The following NCS1 variants were observed in gnomAD, a reference collection of about 807,000 sequenced individuals.
NCS1 encodes the protein neuronal calcium sensor 1.
A neutral mutation model predicts 28.4 loss-of-function variants in NCS1; 6 were observed. The ratio of observed to expected loss-of-function variants is 0.21; its 90% CI spans 0.12 to 0.42. NCS1 has a LOEUF of 0.42. Among genes scored for constraint, NCS1 ranks in the 10% least tolerant of loss-of-function variants. NCS1 has a pLI of 1.00. For synonymous variants in NCS1, 86 were observed against 99.3 expected (o/e 0.87, Z 0.79); for missense variants, 131 against 241.4 (o/e 0.54, Z 3.03).
chr9:130,222,979 GCGGC>G (rs782469311), intron 5 of NCS1, 99 bp from the exon 6 acceptor site: 1 of 863,210 alleles, frequency 1.2e-6, no homozygotes, highest in Non-Finnish European at 1.9e-6. Context: ...GAAGAGGGGG[GCGGC>G]CCTCATCTGG....
intron 1 of NCS1, among the ~76,000 whole-genome samples, chr9:130,184,685 T>C (rs1832716355): frequency 6.6e-6 from 1 of 151,932 alleles, no homozygotes; most frequent in South Asian, 2.1e-4. Context: ...TGGAGTGAAA[T>C]GGTGCAATCT....
chr9:130,187,582 C>T (rs1407500761), intron 1 of NCS1, among the ~76,000 whole-genome samples: 1 of 152,180 alleles, frequency 6.6e-6, no homozygotes, highest in African/African-American at 2.4e-5. Flanking sequence ...GGGGCCAGAC[C>T]TCGGTGTTTC....
intron 1 of NCS1, among the ~76,000 whole-genome samples, chr9:130,195,790 T>C (rs1308143045): frequency 1.3e-5 from 2 of 152,180 alleles, no homozygotes; most frequent in African/African-American, 2.4e-5. Flanking sequence ...GAAGTGTTCC[T>C]GGCAGAGCAC....
At chr9:130,183,067 TC>T (rs1448344734) in intron 1 of NCS1, among the ~76,000 whole-genome samples, 1 of 152,204 alleles carries the variant, frequency 6.6e-6, no homozygotes, top group Non-Finnish European at 1.5e-5. Flanking sequence ...GAAGAGTTTT[TC>T]CCTGCAGTGC....
Position 130,175,755 on chromosome 9 carries a change from C to CA in NCS1, c.64+3028_64+3029insA, listed in dbSNP as rs1832554658. On this transcript the variant is annotated intron_variant, in intron 1 of 7. Transcript: ENST00000372398. This position sits in a 1 kb window ranked among gnomAD's most constrained non-coding sequence, Gnocchi z 4.9. ...CTCACTGGACACACTGGGATTCCAC[C>CA]TGGCTCAAACCCTAACCCAGTCCTC... Among the ~76,000 whole-genome samples the CA allele has an allele frequency of 6.6e-6, 1 of 152,232 alleles. No homozygotes were observed. Among genetic ancestry groups the CA allele is most frequent in the South Asian group, 2.1e-4 (1 of 4,836 alleles).
intron 1 of NCS1, among the ~76,000 whole-genome samples, chr9:130,182,236 A>G (rs1461669261): frequency 6.6e-6 from 1 of 152,154 alleles, no homozygotes; most frequent in Admixed American, 6.5e-5. Context: ...CAGCCAGCCA[A>G]TCGATGGCCA....
At chr9:130,193,108 G>A (rs782347805) in intron 1 of NCS1, among the ~76,000 whole-genome samples, 1 of 152,140 alleles carries the variant, frequency 6.6e-6, no homozygotes, top group Non-Finnish European at 1.5e-5. Flanking sequence ...TGCGGCCAGC[G>A]GTGCACTCCC....
At chr9:130,198,487 G>T (rs1452612934) in intron 1 of NCS1, among the ~76,000 whole-genome samples, 4 of 152,238 alleles carry the variant, frequency 2.6e-5, no homozygotes, top group Non-Finnish European at 5.9e-5. Flanking sequence ...GACTCAAGGA[G>T]TTGTATCCAA....
chr9:130,195,926 A>ACCCAGAG (rs1268357223), intron 1 of NCS1, among the ~76,000 whole-genome samples: 17 of 152,154 alleles, frequency 1.1e-4, no homozygotes, highest in African/African-American at 2.9e-4. Context: ...TGAGCCCTGA[A>ACCCAGAG]CCCAGAGCCC....
At chr9:130,221,326 G>T (rs1160059670) in intron 4 of NCS1, among the ~76,000 whole-genome samples, 2 of 141,806 alleles carry the variant, frequency 1.4e-5, no homozygotes, top group Admixed American at 1.5e-4. Context: ...GCCTGGCCCT[G>T]TTATTTTTAA....
At chr9:130,197,728 CA>C (rs1209158861) in intron 1 of NCS1, among the ~76,000 whole-genome samples, 2 of 152,104 alleles carry the variant, frequency 1.3e-5, no homozygotes, top group East Asian at 3.9e-4. Flanking sequence ...TTTGGGAGGC[CA>C]AGGCAGACGT....
chr9:130,230,858 C>T (rs2131163803), intron 7 of NCS1, among the ~76,000 whole-genome samples: 1 of 139,294 alleles, frequency 7.2e-6, no homozygotes, highest in East Asian at 2.4e-4. Flanking sequence ...CATACTTAAT[C>T]CATTTCAAAA....
Position 130,181,029 on chromosome 9 carries a change from A to C in NCS1, c.64+8302A>C, listed in dbSNP as rs1379927736. Among the ~76,000 whole-genome samples, 1 of 152,160 alleles carries C rather than the reference A, an allele frequency of 6.6e-6. No individual in the cohort carries two copies. The highest frequency in any genetic ancestry group is 2.4e-5 in the African/African-American group (1 of 41,426). On this transcript the variant is annotated intron_variant, in intron 1 of 7. Coordinates refer to ENST00000372398, the MANE Select transcript of NCS1 (RefSeq NM_014286.4). This position sits in a 1 kb window ranked among gnomAD's most constrained non-coding sequence, Gnocchi z 5.0. ...AGCCTGCCTGGGATTAAGTCCCAGG[A>C]CCATCATGGCCTGGACAGTGGCTTT...
intron 1 of NCS1, among the ~76,000 whole-genome samples, chr9:130,199,984 T>C (rs1832920915): frequency 6.6e-6 from 1 of 152,206 alleles, no homozygotes; most frequent in Admixed American, 6.5e-5. Context: ...TTGCCAAAAC[T>C]TTCTCTTGGA....
At chr9:130,187,844 T>A (rs1832760106) in intron 1 of NCS1, among the ~76,000 whole-genome samples, 1 of 152,216 alleles carries the variant, frequency 6.6e-6, no homozygotes, top group South Asian at 2.1e-4. Flanking sequence ...TGTGACCGTG[T>A]GGCTTCTGTG....
chr9:130,194,308 C>G (rs1832850874), intron 1 of NCS1, among the ~76,000 whole-genome samples: 1 of 116,334 alleles, frequency 8.6e-6, no homozygotes, highest in African/African-American at 3.1e-5. Flanking sequence ...AGTAGAGGAG[C>G]TGGGGACCTC....
chr9:130,197,872 C>T (rs1405957813), intron 1 of NCS1, among the ~76,000 whole-genome samples: 15 of 150,828 alleles, frequency 9.9e-5, no homozygotes, highest in Admixed American at 5.3e-4. Context: ...CTGAGGCACA[C>T]GAGGATCACT....
rs1833250440 is a variant in NCS1, at chr9:130,219,862, G to A, written c.307+59G>A. 1.3e-6 allele frequency: 2 copies of A among 1,544,514 alleles called. No homozygotes were observed. Among genetic ancestry groups the A allele is most frequent in the Non-Finnish European group, 1.8e-6 (2 of 1,117,998 alleles). On this transcript the variant is annotated intron_variant, in intron 4 of 7. Coordinates refer to ENST00000372398, the MANE Select transcript of NCS1 (RefSeq NM_014286.4). This position sits in a 1 kb window ranked among gnomAD's most constrained non-coding sequence, Gnocchi z 5.7. The stretch of plus-strand genomic sequence containing the variant: ...AGCTGGAGGGCCCAGGTCAGAGGGA[G>A]GCAGCCCTCGGCCCTCACCAGGCAG...
intron 4 of NCS1, among the ~76,000 whole-genome samples, chr9:130,220,950 C>A (rs1487080453): frequency 6.6e-6 from 1 of 151,952 alleles, no homozygotes; most frequent in Non-Finnish European, 1.5e-5. Flanking sequence ...TCCCAGGCCC[C>A]GGGCTCTCCC....
Sources: allele counts gnomAD v4.1 joint callset (sites outside exome capture counted in the v4.1 genomes callset), GRCh38; gene constraint gnomAD v4.1.1; non-coding constraint Gnocchi (gnomAD v3.1); transcripts MANE v1.5; gene names NCBI Gene and HGNC (gene_info 2026-07-23, HGNC 2026-07-21).